The following NR5A1 variants were observed in gnomAD, a reference collection of about 807,000 sequenced individuals.
The protein encoded by NR5A1 is nuclear receptor subfamily 5 group A member 1.
Under a neutral mutation model 42.7 loss-of-function variants are expected in NR5A1, and 6 were observed. The observed-to-expected ratio is 0.14, with a 90% CI of 0.08 to 0.28. The LOEUF is 0.28. Among genes scored for constraint, NR5A1 ranks in the 10% least tolerant of loss-of-function variants. The pLI, the probability that NR5A1 is intolerant of heterozygous loss-of-function variation, is 1.00. For missense variants in NR5A1, 442 were observed against 626.4 expected, an observed-to-expected ratio of 0.71 and a Z score of 3.14; for synonymous variants, 274 against 277.5, an observed-to-expected ratio of 0.99 and a Z score of 0.12.
chr9:124,490,960 C>T, intron 6 of NR5A1, 121 bp downstream of exon 6: 1 of 1,290,304 alleles, frequency 7.8e-7, no homozygotes, highest in Non-Finnish European at 1.1e-6. Flanking sequence ...GGGGTCCTTT[C>T]TCCCCGAGGC....
At chr9:124,490,180 C>T (rs1832284788) in intron 6 of NR5A1, among the ~76,000 whole-genome samples, 1 of 152,256 alleles carries the variant, frequency 6.6e-6, no homozygotes. Flanking sequence ...CAAAACCCTG[C>T]TCAGATGCCC....
chr9:124,493,288 G>A, intron 4 of NR5A1, 139 bp from the exon 5 acceptor site: 1 of 1,164,860 alleles, frequency 8.6e-7, no homozygotes, highest in Non-Finnish European at 1.2e-6. Flanking sequence ...CTACCCAGAT[G>A]TCTAGGCTAT....
Position 124,482,430 on chromosome 9 carries a change from C to T in NR5A1, c.*328G>A, listed in dbSNP as rs1428563776. ...CCCACCAGGGAATCCCGAACCTCCT[C>T]CCCGGACCTGCAGGCTTCAGACTCC... On this transcript the variant is annotated 3_prime_UTR_variant, in exon 7 of 7. Transcript: ENST00000373588. 1.0e-5 allele frequency: 4 copies of T among 399,582 alleles called. No homozygotes were observed. The highest frequency in any genetic ancestry group is 1.4e-5 in the Non-Finnish European group (3 of 209,872). 24.8% of individuals were successfully genotyped at this position (399,582 alleles called of 1,614,324 possible).
rs915116290 is a variant in NR5A1 at position 124,503,018 on chromosome 9, C to A, written c.244+61G>T. On this transcript the variant is annotated intron_variant, in intron 3 of 6. Coordinates refer to ENST00000373588, the MANE Select transcript of NR5A1 (RefSeq NM_004959.5). This position sits in a 1 kb window ranked among gnomAD's most constrained non-coding sequence, Gnocchi z 9.6. ...ACTATCCCCTCAGCCCCTCTCCCAC[C>A]CCCACCCCCTACCCCCTCAGGCTGT... is the stretch of plus-strand genomic sequence containing the variant. 3.9e-6 allele frequency: 6 copies of A among 1,528,770 alleles called. No homozygotes were observed. The Admixed American group carries it at 7.9e-5, about 20-fold the overall frequency. 94.7% of individuals were successfully genotyped at this position (1,528,770 alleles called of 1,614,324 possible).
intron 4 of NR5A1, among the ~76,000 whole-genome samples, chr9:124,494,979 C>T (rs577334720): frequency 3.9e-5 from 6 of 152,262 alleles, no homozygotes; most frequent in African/African-American, 9.6e-5. Context: ...TCTCCTGGGG[C>T]GTCCCTGGGG....
chr9:124,485,922 G>A (rs1025161104), intron 6 of NR5A1, among the ~76,000 whole-genome samples: 1 of 152,068 alleles, frequency 6.6e-6, no homozygotes. Context: ...TCCGGAGGGG[G>A]ACAGGGACCA....
Position 124,496,667 on chromosome 9 carries a change from G to T in NR5A1, c.870+3423C>A, listed in dbSNP as rs557896260. On this transcript the variant is annotated intron_variant, in intron 4 of 6. Transcript: ENST00000373588. This position sits in a 1 kb window ranked among gnomAD's most constrained non-coding sequence, Gnocchi z 5.0. ...ACGGGCTGGCCACTGCGCTCTGCCGGCAGAGTGGTCAGTGAGGTGTCATTT... is the reference window on the plus strand; with the variant it reads ...ACGGGCTGGCCACTGCGCTCTGCCGTCAGAGTGGTCAGTGAGGTGTCATTT... Among the ~76,000 whole-genome samples the T allele has an allele frequency of 2.6e-5, 4 of 152,334 alleles. No homozygotes were observed. In the East Asian group the frequency reaches 7.7e-4, roughly 29 times the overall value.
chr9:124,484,341 G>A (rs1239067583), intron 6 of NR5A1, among the ~76,000 whole-genome samples: 3 of 152,220 alleles, frequency 2.0e-5, no homozygotes, highest in Non-Finnish European at 4.4e-5. Flanking sequence ...TGTGCAATAG[G>A]CAGAAGTCAG....
chr9:124,487,117 G>A (rs1024538868), intron 6 of NR5A1, among the ~76,000 whole-genome samples: 2 of 152,234 alleles, frequency 1.3e-5, no homozygotes, highest in Admixed American at 1.3e-4. Flanking sequence ...AGGGAGCTGG[G>A]AGATGGAGCC....
chr9:124,483,278 C>T (rs991674506), intron 6 of NR5A1, among the ~76,000 whole-genome samples: 6 of 152,226 alleles, frequency 3.9e-5, no homozygotes, highest in South Asian at 2.1e-4. Flanking sequence ...AACCACCCAA[C>T]CACAGTCACC....
chr9:124,501,268 C>T lies in NR5A1; in HGVS notation c.245-553G>A, dbSNP rs573128728. Among the ~76,000 whole-genome samples, 1 of 152,134 alleles carries T rather than the reference C, an allele frequency of 6.6e-6. No homozygotes were observed. ...CCTGGTCAGCCTTGTTCACCGCTGG[C>T]CCCAGGGTCCAGCTGTTTGTTGACT... On this transcript the variant is annotated intron_variant, in intron 3 of 6. Coordinates refer to ENST00000373588, the MANE Select transcript of NR5A1 (RefSeq NM_004959.5). The surrounding 1 kb of genome is among the most constrained non-coding windows in gnomAD (Gnocchi z 4.1).
rs1199323179 is a variant in NR5A1, at chr9:124,501,119, G to C, written c.245-404C>G. ...AACGGGCTCTACTGTCCTTGCCCCA[G>C]GTGCCCTGTCCTTGCCCACTCTTAT... On this transcript the variant is annotated intron_variant, in intron 3 of 6. Transcript: ENST00000373588. This position sits in a 1 kb window ranked among gnomAD's most constrained non-coding sequence, Gnocchi z 4.1. 2.1e-6 allele frequency: 1 copy of C among 481,892 alleles called. No homozygotes were observed. The highest frequency in any genetic ancestry group is 2.3e-5 in the Admixed American group (1 of 42,722). The allele number at this position is 481,892 out of a possible 1,614,324, so 29.9% of individuals were successfully genotyped here. A position where few individuals can be genotyped will look rare whatever the true frequency, so the allele number is the denominator to read the frequency against.
At chr9:124,483,635 C>G (rs1010481548) in intron 6 of NR5A1, among the ~76,000 whole-genome samples, 4 of 152,230 alleles carry the variant, frequency 2.6e-5, no homozygotes, top group African/African-American at 9.6e-5. Context: ...CTGGCACGAT[C>G]AAAGCCATCT....
At chr9:124,494,898 G>A (rs1272569222) in intron 4 of NR5A1, among the ~76,000 whole-genome samples, 1 of 152,218 alleles carries the variant, frequency 6.6e-6, no homozygotes, top group East Asian at 1.9e-4. Flanking sequence ...AGTCAGAGGG[G>A]AACTGGGCCA....
chr9:124,499,137 G>A (rs1032461300), intron 4 of NR5A1, among the ~76,000 whole-genome samples: 2 of 152,226 alleles, frequency 1.3e-5, no homozygotes, highest in Non-Finnish European at 1.5e-5. Context: ...CTGAACCCAG[G>A]CCAGGGAGGG....
At position 124,501,117 on chromosome 9, in the gene NR5A1, C is replaced by G; in HGVS notation, c.245-402G>C. The G allele has an allele frequency of 2.1e-6, 1 of 483,542 alleles. No homozygotes were observed. Among genetic ancestry groups the G allele is most frequent in the Non-Finnish European group, 4.1e-6 (1 of 242,560 alleles). 30.0% of individuals were successfully genotyped at this position (483,542 alleles called of 1,614,324 possible). ...CAAACGGGCTCTACTGTCCTTGCCCCAGGTGCCCTGTCCTTGCCCACTCTT... is the reference window on the plus strand; with the variant it reads ...CAAACGGGCTCTACTGTCCTTGCCCGAGGTGCCCTGTCCTTGCCCACTCTT... On this transcript the variant is annotated intron_variant, in intron 3 of 6. Transcript: ENST00000373588. The surrounding 1 kb of genome is among the most constrained non-coding windows in gnomAD (Gnocchi z 4.1).
chr9:124,501,016 CT>C lies in NR5A1; in HGVS notation c.245-302del, dbSNP rs769367534. The stretch of plus-strand genomic sequence containing the variant: ...CCTTTCATTTTCCTTCTGACTCAAA[CT>C]TTTTTTTTTCTCTTGTGCTTGCTGA... On this transcript the variant is annotated intron_variant, in intron 3 of 6. Transcript: ENST00000373588. This position sits in a 1 kb window ranked among gnomAD's most constrained non-coding sequence, Gnocchi z 4.1. 462 of 659,920 alleles carry C rather than the reference CT, an allele frequency of 7.0e-4. No individual in the cohort carries two copies. The highest frequency in any genetic ancestry group is 3.8e-3 in the East Asian group (126 of 32,760). The allele number at this position is 659,920 out of a possible 1,614,324, so 40.9% of individuals were successfully genotyped here. A position where few individuals can be genotyped will look rare whatever the true frequency, so the allele number is the denominator to read the frequency against.
At chr9:124,483,403 G>C (rs915032) in intron 6 of NR5A1, among the ~76,000 whole-genome samples, 86,505 of 152,082 alleles carry the variant, frequency 0.57, 25,717 homozygotes, top group East Asian at 0.76. Flanking sequence ...TGAACCTCTC[G>C]GTCCCCCATC....
At chr9:124,490,044 A>G (rs1331640983) in intron 6 of NR5A1, among the ~76,000 whole-genome samples, 1 of 152,030 alleles carries the variant, frequency 6.6e-6, no homozygotes, top group African/African-American at 2.4e-5. Flanking sequence ...CTATAATGCC[A>G]GCCACCAAGA....
Sources: gnomAD v4.1 joint callset for allele counts (sites outside exome capture counted in the v4.1 genomes callset) on GRCh38, gnomAD v4.1.1 for gene constraint, Gnocchi (gnomAD v3.1) non-coding constraint, MANE v1.5 for transcripts, NCBI Gene and HGNC (gene_info 2026-07-23, HGNC 2026-07-21) for gene names.